NTM: variants seen among roughly 807,000 people sequenced by gnomAD.
NTM encodes the protein IgLON family member 2.
NTM carries 13 observed loss-of-function variants against 42.1 expected under a neutral mutation model. The ratio of observed to expected loss-of-function variants is 0.31; its 90% CI spans 0.20 to 0.49. The LOEUF (loss-of-function observed/expected upper bound fraction) is 0.49. Ranked by LOEUF, NTM falls within the 20% of genes least tolerant of loss-of-function variation. NTM has a pLI of 0.99. For synonymous variants in NTM, 187 were observed against 179.2 expected (o/e 1.04, Z -0.35); for missense variants, 373 against 452.8 (o/e 0.82, Z 1.60).
chr11:132,044,212 T>A (rs530693812), intron 2 of NTM, among the ~76,000 whole-genome samples: 18 of 152,002 alleles, frequency 1.2e-4, no homozygotes, highest in Non-Finnish European at 2.6e-4. Flanking sequence ...ATGGGTCTTA[T>A]GCACTACCTA....
intron 1 of NTM, among the ~76,000 whole-genome samples, chr11:131,628,992 G>A (rs2063394266): frequency 6.6e-6 from 1 of 152,236 alleles, no homozygotes; most frequent in South Asian, 2.1e-4. Flanking sequence ...TGTGCATGGT[G>A]TGGTGTGGGT....
intron 1 of NTM, among the ~76,000 whole-genome samples, chr11:131,562,119 G>A (rs1434531426): frequency 2.6e-5 from 4 of 152,254 alleles, no homozygotes; most frequent in East Asian, 1.9e-4. Flanking sequence ...AGCAGGCCAC[G>A]CACTGAAGCA....
intron 1 of NTM, among the ~76,000 whole-genome samples, chr11:131,640,031 C>T (rs183083528): frequency 6.6e-6 from 1 of 152,104 alleles, no homozygotes; most frequent in African/African-American, 2.4e-5. Context: ...AATTTCTCTT[C>T]TGGTTCTATT....
chr11:131,540,349 T>C (rs1429879970), intron 1 of NTM, among the ~76,000 whole-genome samples: 1 of 151,856 alleles, frequency 6.6e-6, no homozygotes, highest in African/African-American at 2.4e-5. Context: ...GTATTCTTAG[T>C]AGAGATGGGG....
intron 3 of NTM, among the ~76,000 whole-genome samples, chr11:132,164,828 C>T (rs561692748): frequency 1.1e-4 from 16 of 152,286 alleles, no homozygotes; most frequent in East Asian, 7.7e-4. Context: ...TCAGGAGACA[C>T]GATTGTCTCC....
intron 2 of NTM, among the ~76,000 whole-genome samples, chr11:132,038,801 C>T (rs955582045): frequency 9.8e-5 from 15 of 152,296 alleles, no homozygotes; most frequent in East Asian, 1.9e-4. Context: ...AAGGACGTCT[C>T]GCCTGTCTGC....
intron 1 of NTM, among the ~76,000 whole-genome samples, chr11:131,474,048 T>A (rs1484645173): frequency 6.6e-6 from 1 of 152,160 alleles, no homozygotes; most frequent in Non-Finnish European, 1.5e-5. Flanking sequence ...ACACCCCCAC[T>A]GTCTTCACCT....
intron 2 of NTM, among the ~76,000 whole-genome samples, chr11:132,142,854 T>C (rs577554966): frequency 1.3e-5 from 2 of 152,254 alleles, no homozygotes; most frequent in East Asian, 1.9e-4. Flanking sequence ...CGGTGCAGTG[T>C]TGGGGGACGG....
intron 4 of NTM, among the ~76,000 whole-genome samples, chr11:132,256,940 T>C (rs1164000086): frequency 6.6e-6 from 1 of 152,170 alleles, no homozygotes; most frequent in Non-Finnish European, 1.5e-5. Context: ...ATATTTCCTT[T>C]ATCATTGCAG....
At position 131,660,649 on chromosome 11, in the gene NTM, C is replaced by A. The variant is rs575554439; in HGVS notation, c.83-250915C>A. On this transcript the variant is annotated intron_variant, in intron 1 of 8. Transcript: ENST00000683400. ...GTCTGTGCACCCCTCCCCCCTTATT[C>A]CTTCCTGACCTTTCATCCATGAAGC... 1.5e-4 allele frequency: 66 copies of A among 448,078 alleles called. No individual in the cohort carries two copies. The East Asian group carries it at 4.1e-3, about 28-fold the overall frequency. 27.8% of individuals were successfully genotyped at this position (448,078 alleles called of 1,614,324 possible). A position where few individuals can be genotyped will look rare whatever the true frequency, so the allele number is the denominator to read the frequency against.
At chr11:131,972,354 A>G (rs533407582) in intron 2 of NTM, among the ~76,000 whole-genome samples, 1 of 152,300 alleles carries the variant, frequency 6.6e-6, no homozygotes, top group South Asian at 2.1e-4. Flanking sequence ...ATACATGTAT[A>G]TATATAAATT....
At chr11:131,660,675 G>A (rs753665091) in intron 1 of NTM, 20 of 431,266 alleles carry the variant, frequency 4.6e-5, no homozygotes, top group South Asian at 1.2e-4. Flanking sequence ...TCCATGAAGC[G>A]GGGACAGAGG....
chr11:131,972,389 A>C (rs1228899171), intron 2 of NTM, among the ~76,000 whole-genome samples: 5 of 150,554 alleles, frequency 3.3e-5, no homozygotes, highest in South Asian at 2.1e-4. Flanking sequence ...AAAGAAAACA[A>C]ATAATAATTT....
intron 2 of NTM, among the ~76,000 whole-genome samples, chr11:132,088,438 A>G (rs999509162): frequency 3.2e-4 from 49 of 152,334 alleles, no homozygotes; most frequent in African/African-American, 1.2e-3. Flanking sequence ...TCTCACAACC[A>G]GGAAAAATTA....
chr11:132,230,482 T>G (rs1311624647), intron 4 of NTM, among the ~76,000 whole-genome samples: 4 of 152,194 alleles, frequency 2.6e-5, no homozygotes, highest in Non-Finnish European at 5.9e-5. Flanking sequence ...AGCAGCTGTC[T>G]TTTCTGCATT....
chr11:131,798,444 A>T (rs968998982), intron 1 of NTM, among the ~76,000 whole-genome samples: 4 of 152,226 alleles, frequency 2.6e-5, no homozygotes, highest in African/African-American at 9.6e-5. Flanking sequence ...ACATGGTAGC[A>T]GAGGTGGCAA....
chr11:131,857,107 A>G (rs2046183561), intron 1 of NTM, among the ~76,000 whole-genome samples: 1 of 152,104 alleles, frequency 6.6e-6, no homozygotes, highest in Non-Finnish European at 1.5e-5. Context: ...ACTATCCTCT[A>G]ATGTCACTGG....
intron 4 of NTM, among the ~76,000 whole-genome samples, chr11:132,250,323 C>T (rs749463859): frequency 9.2e-5 from 14 of 152,146 alleles, no homozygotes; most frequent in African/African-American, 3.4e-4. Context: ...TTGGATTTGG[C>T]TTTTTGCAAG....
At chr11:132,334,248 C>T (rs1444949999) in intron 8 of NTM, among the ~76,000 whole-genome samples, 2 of 152,254 alleles carry the variant, frequency 1.3e-5, no homozygotes, top group African/African-American at 4.8e-5. Context: ...GGGAACTGTA[C>T]TGCCTTGCAG....
Sources: gnomAD v4.1 joint callset for allele counts (sites outside exome capture counted in the v4.1 genomes callset) on GRCh38, gnomAD v4.1.1 for gene constraint, MANE v1.5 for transcripts, NCBI Gene and HGNC (gene_info 2026-07-23, HGNC 2026-07-21) for gene names.